The following DNAAF5 variants were observed in gnomAD, a reference collection of about 807,000 sequenced individuals.
DNAAF5 encodes the protein HEAT repeat containing 2.
DNAAF5 carries 64 observed loss-of-function variants against 75.8 expected under a neutral mutation model. The ratio of observed to expected loss-of-function variants is 0.84; its 90% CI spans 0.69 to 1.04. DNAAF5 has a LOEUF of 1.04. Among genes scored for constraint, DNAAF5 ranks in the 50% least tolerant of loss-of-function variants. The pLI is 0.00. For synonymous variants in DNAAF5, 657 were observed against 557.2 expected (o/e 1.18, Z -2.52); for missense variants, 1,269 against 1,178.5 (o/e 1.08, Z -1.12).
At chr7:747,440 GCGTGT>G (rs1159754801) in intron 4 of DNAAF5, among the ~76,000 whole-genome samples, 1 of 152,120 alleles carries the variant, frequency 6.6e-6, no homozygotes, top group African/African-American at 2.4e-5. Context: ...GCTATTTTCA[GCGTGT>G]CCGGCTGGTG....
chr7:744,083 T>TC (rs1471220592), intron 4 of DNAAF5, among the ~76,000 whole-genome samples: 4 of 152,050 alleles, frequency 2.6e-5, no homozygotes, highest in African/African-American at 7.2e-5. Flanking sequence ...ATGCTATCCC[T>TC]CCCCCCTCAC....
rs746765259 is a variant in DNAAF5, at chr7:774,067, G to C, written c.1951G>C (p.Glu651Gln). 8.4e-5 allele frequency: 135 copies of C among 1,613,930 alleles called. No individual in the cohort carries two copies. Among genetic ancestry groups the C allele is most frequent in the Non-Finnish European group, 1.1e-4 (134 of 1,180,014 alleles). ...TTCCAGGCAGTTTCCCAGCTACCTC[G>C]AGACGGTGACAAAGGACATCCTGGC... Reference protein sequence around the residue: ...NSQGQFPSYLETVTKDILAPN... With the variant: ...NSQGQFPSYLQTVTKDILAPN... The change falls in exon 10 of 13, where the codon GAG becomes CAG. Residue 651 changes from glutamate to glutamine, a missense_variant. Physicochemically the swap from Glu to Gln is conservative, Grantham distance 29. Transcript: ENST00000297440.
Position 763,925 on chromosome 7 carries a change from C to G in DNAAF5, c.1734C>G (p.Thr578=), listed in dbSNP as rs201710687. Residue 578 remains threonine, a synonymous_variant, in exon 8 of 13, where the codon ACC becomes ACG. Transcript: ENST00000297440. The part of the protein sequence containing the change: ...ERVTASHLDW[T]AHSPELLQFS... ...TGACCGCGTCGCACCTTGACTGGAC[C>G]GCACACTCGCCGGAGCTCCTGCAGT... 8.7e-5 allele frequency: 140 copies of G among 1,610,052 alleles called. 1 individual carries two copies. The East Asian group carries it at 2.7e-3, about 31-fold the overall frequency.
intron 12 of DNAAF5, among the ~76,000 whole-genome samples, chr7:780,551 C>T (rs781692333): frequency 2.0e-5 from 3 of 152,264 alleles, no homozygotes; most frequent in Admixed American, 6.5e-5. Context: ...TACAGTCAGT[C>T]ATGATGTGTA....
At chr7:780,494 C>T (rs1041175075) in intron 12 of DNAAF5, among the ~76,000 whole-genome samples, 2 of 152,182 alleles carry the variant, frequency 1.3e-5, no homozygotes, top group African/African-American at 4.8e-5. Flanking sequence ...TTGCAAATGT[C>T]TTAAATGTGT....
Position 786,346 on chromosome 7 carries a change from C to T in DNAAF5, c.*693C>T, listed in dbSNP as rs531991665. On this transcript the variant is annotated 3_prime_UTR_variant, in exon 13 of 13. Coordinates refer to ENST00000297440, the MANE Select transcript of DNAAF5 (RefSeq NM_017802.4). The stretch of plus-strand genomic sequence containing the variant: ...TTCTACACCCAAGTGCCTAAAAGAT[C>T]TCATTGTAAGTGGGTAGTGTTACCG... The T allele has an allele frequency of 3.9e-5, 6 of 152,284 alleles. No individual in the cohort carries two copies. In the South Asian group the frequency reaches 1.2e-3, roughly 32 times the overall value. 9.4% of individuals were successfully genotyped at this position (152,284 alleles called of 1,614,324 possible).
chr7:726,789 G>T lies in DNAAF5; in HGVS notation c.69G>T (p.Glu23Asp), dbSNP rs540763017. 1.8e-4 allele frequency: 227 copies of T among 1,283,428 alleles called. 2 individuals carry two copies. The East Asian group carries it at 7.0e-3, about 40-fold the overall frequency. 79.5% of individuals were successfully genotyped at this position (1,283,428 alleles called of 1,614,324 possible). The change falls in exon 1 of 13, where the codon GAG (glutamate) becomes GAT (aspartate). Residue 23 changes from glutamate (E) to aspartate (D), a missense_variant. By Grantham distance (45) the Glu-to-Asp change is conservative. Transcript: ENST00000297440. ...PHPAEGAETA[E>D]AVELSRALSR... ...CGGCTGAGGGGGCCGAGACGGCTGAGGCGGTGGAGCTGAGCCGCGCCCTGA... is the reference window on the plus strand; with the variant it reads ...CGGCTGAGGGGGCCGAGACGGCTGATGCGGTGGAGCTGAGCCGCGCCCTGA...
At chr7:758,339 G>T (rs1374065917) in intron 6 of DNAAF5, among the ~76,000 whole-genome samples, 1 of 152,202 alleles carries the variant, frequency 6.6e-6, no homozygotes, top group African/African-American at 2.4e-5. Flanking sequence ...CTCCATGTTG[G>T]TTACAGGAAA....
chr7:764,430 C>G (rs1031690409), intron 8 of DNAAF5, among the ~76,000 whole-genome samples: 1 of 152,198 alleles, frequency 6.6e-6, no homozygotes, highest in Non-Finnish European at 1.5e-5. Flanking sequence ...CCCAGTGGGG[C>G]TTCAGCGCGG....
intron 2 of DNAAF5, among the ~76,000 whole-genome samples, chr7:735,137 C>T (rs12702635): frequency 0.16 from 23,385 of 147,758 alleles, 2,003 homozygotes; most frequent in East Asian, 0.29. Context: ...TCGCCACTCA[C>T]GATGTCATTG....
At chr7:746,099 C>T (rs748982358) in intron 4 of DNAAF5, among the ~76,000 whole-genome samples, 3 of 152,162 alleles carry the variant, frequency 2.0e-5, no homozygotes, top group Non-Finnish European at 2.9e-5. Flanking sequence ...ATTTTAAATA[C>T]GATTTCTCAG....
chr7:766,279 C>G (rs751595092), intron 8 of DNAAF5, among the ~76,000 whole-genome samples: 25 of 152,162 alleles, frequency 1.6e-4, no homozygotes, highest in Non-Finnish European at 2.9e-4. Context: ...TTTTTATTTT[C>G]TTCTTTATTT....
At position 754,404 on chromosome 7, in the gene DNAAF5, C is replaced by T. The variant is rs570109277; in HGVS notation, c.1025-185C>T. On this transcript the variant is annotated intron_variant, in intron 4 of 12. Coordinates refer to ENST00000297440, the MANE Select transcript of DNAAF5 (RefSeq NM_017802.4). The surrounding 1 kb of genome is among the most constrained non-coding windows in gnomAD (Gnocchi z 4.8). ...GCCTCCACAGGGCTAGGACTGCAGC[C>T]GTGCACCGCCTCTGTGAATGTTCTG... 3.9e-5 allele frequency among the ~76,000 whole-genome samples: 6 copies of T among 152,260 alleles called. No individual in the cohort carries two copies. Among genetic ancestry groups the T allele is most frequent in the African/African-American group, 1.2e-4 (5 of 41,538 alleles).
At chr7:767,074 C>G (rs2128082026) in intron 8 of DNAAF5, among the ~76,000 whole-genome samples, 1 of 152,068 alleles carries the variant, frequency 6.6e-6, no homozygotes, top group African/African-American at 2.4e-5. Flanking sequence ...CCCGTCTCTA[C>G]TAAAAATACA....
intron 4 of DNAAF5, among the ~76,000 whole-genome samples, chr7:748,288 TTGG>T (rs1782181646): frequency 6.7e-6 from 1 of 148,478 alleles, no homozygotes; most frequent in African/African-American, 2.5e-5. Flanking sequence ...GCCCACGGTG[TTGG>T]TGGGGTTTGC....
intron 12 of DNAAF5, among the ~76,000 whole-genome samples, chr7:783,379 C>T (rs73036259): frequency 0.022 from 3,324 of 152,320 alleles, 100 homozygotes; most frequent in Non-Finnish European, 0.028. Flanking sequence ...CAGCTGCTCC[C>T]GCATCTGCGC....
rs1778526631 is a variant in DNAAF5, at chr7:770,616, G to T, written c.1929G>T (p.Gln643His). 3 of 1,613,308 alleles carry T rather than the reference G, an allele frequency of 1.9e-6. No individual in the cohort carries two copies. The highest frequency in any genetic ancestry group is 2.5e-6 in the Non-Finnish European group (3 of 1,179,872). ...LLRATDTINS[Q>H]GQFPSYLETV... ...GAGCCACGGACACCATCAACTCCCA[G>T]GGGTAGGTCCGGGCTCTGCCTCTGC... The change falls in exon 9 of 13, where the codon CAG (glutamine) becomes CAT (histidine). Residue 643 changes from glutamine to histidine, a missense_variant and splice_region_variant. Gln to His is a conservative substitution (Grantham distance 24). Transcript: ENST00000297440.
intron 1 of DNAAF5, 36 bp from the exon 2 acceptor site, chr7:729,627 G>A (rs757129319): frequency 1.6e-5 from 26 of 1,593,940 alleles, no homozygotes; most frequent in Non-Finnish European, 2.2e-5. Flanking sequence ...GCGTGTGGGA[G>A]CAGCTCTGGT....
chr7:770,101 G>A (rs1478233226), intron 8 of DNAAF5, among the ~76,000 whole-genome samples: 1 of 151,386 alleles, frequency 6.6e-6, no homozygotes, highest in African/African-American at 2.4e-5. Context: ...ACAGGTATAT[G>A]CCACCATGCT....
Sources: allele counts gnomAD v4.1 joint callset (sites outside exome capture counted in the v4.1 genomes callset), GRCh38; gene constraint gnomAD v4.1.1; non-coding constraint Gnocchi (gnomAD v3.1); transcripts MANE v1.5; gene names NCBI Gene and HGNC (gene_info 2026-07-23, HGNC 2026-07-21).